Variants in MYO3B observed in about 807,000 individuals in gnomAD.
The protein encoded by MYO3B is myosin IIIB, also known as myosin-IIIb.
MYO3B carries 156 observed loss-of-function variants against 174.6 expected under a neutral mutation model. The observed-to-expected ratio is 0.89, with a 90% confidence interval of 0.78 to 1.02. MYO3B has a LOEUF of 1.02. MYO3B is among the 50% of genes least tolerant of loss of function. The pLI, the probability that MYO3B is intolerant of heterozygous loss-of-function variation, is 0.00. For missense variants in MYO3B, 1,632 were observed against 1,639.4 expected (o/e 1.00, Z 0.08); for synonymous variants, 563 against 569.1 (o/e 0.99, Z 0.15).
intron 8 of MYO3B, among the ~76,000 whole-genome samples, chr2:170,361,870 G>A (rs2094164028): frequency 6.6e-6 from 1 of 152,104 alleles, no homozygotes; most frequent in South Asian, 2.1e-4. Flanking sequence ...AGACAAGCAG[G>A]GCTTGAGGAT....
chr2:170,357,351 A>ATT (rs34296961), intron 8 of MYO3B, among the ~76,000 whole-genome samples: 12 of 146,358 alleles, frequency 8.2e-5, no homozygotes, highest in South Asian at 4.2e-4. Context: ...ATATATATAT[A>ATT]TTTTATATAT....
intron 7 of MYO3B, among the ~76,000 whole-genome samples, chr2:170,305,217 G>A: frequency 6.6e-6 from 1 of 152,008 alleles, no homozygotes; most frequent in East Asian, 1.9e-4. Flanking sequence ...CACGGTGTAG[G>A]ATAGTTCATC....
chr2:170,407,789 A>G lies in MYO3B; in HGVS notation c.2595A>G (p.Arg865=). The part of the protein sequence containing the change: ...TLPADVVVVL[R]TSENKLLQQL... ...CTGCCGATGTGGTTGTGGTCCTGAGAACGTCAGAAAACAAGCTTCTTCAGC... is the reference window on the plus strand; with the variant it reads ...CTGCCGATGTGGTTGTGGTCCTGAGGACGTCAGAAAACAAGCTTCTTCAGC... The change falls in exon 22 of 35, where the codon AGA becomes AGG. Residue 865 remains arginine, a synonymous_variant. Transcript: ENST00000408978. 1 of 1,614,140 alleles carries G rather than the reference A, an allele frequency of 6.2e-7. No homozygotes were observed. The highest frequency in any genetic ancestry group is 8.5e-7 in the Non-Finnish European group (1 of 1,179,972).
chr2:170,476,554 AGACTCCTCTCCAACT>A (rs1308038007), intron 25 of MYO3B, among the ~76,000 whole-genome samples: 3 of 152,100 alleles, frequency 2.0e-5, no homozygotes, highest in Non-Finnish European at 2.9e-5. Flanking sequence ...TCCAGTGGCC[AGACTCCTCTCCAACT>A]GCCCCTAGCA....
intron 32 of MYO3B, among the ~76,000 whole-genome samples, chr2:170,546,068 C>G (rs1221313799): frequency 6.6e-6 from 1 of 152,178 alleles, no homozygotes; most frequent in Admixed American, 6.5e-5. Context: ...TCCGAACATG[C>G]CTGGTGTGTT....
intron 23 of MYO3B, among the ~76,000 whole-genome samples, chr2:170,445,473 C>A (rs1216916796): frequency 1.3e-5 from 2 of 152,060 alleles, no homozygotes; most frequent in African/African-American, 4.8e-5. Context: ...TCCTGAGTAG[C>A]TGGGATTACA....
intron 25 of MYO3B, among the ~76,000 whole-genome samples, chr2:170,480,409 C>T (rs1005274278): frequency 1.3e-5 from 2 of 152,178 alleles, no homozygotes; most frequent in African/African-American, 2.4e-5. Flanking sequence ...CCAAGCAAGG[C>T]ATGGAAGCTC....
intron 25 of MYO3B, among the ~76,000 whole-genome samples, chr2:170,488,568 G>C (rs1029473285): frequency 6.6e-6 from 1 of 152,142 alleles, no homozygotes; most frequent in African/African-American, 2.4e-5. Context: ...ACGTTATGAG[G>C]GAACTAGGCA....
intron 22 of MYO3B, among the ~76,000 whole-genome samples, chr2:170,441,002 A>C (rs1165923042): frequency 6.6e-6 from 1 of 151,778 alleles, no homozygotes; most frequent in Non-Finnish European, 1.5e-5. Context: ...GGGTTTCACC[A>C]TGTTGGCCTG....
Position 170,617,578 on chromosome 2 carries a change from C to A in MYO3B, c.3734-34050C>A, listed in dbSNP as rs544135374. On this transcript the variant is annotated intron_variant, in intron 32 of 34. Coordinates refer to ENST00000408978, the MANE Select transcript of MYO3B (RefSeq NM_138995.5). Reference sequence around the variant, plus strand: ...CTCCAGCCCAAACTCTCATACCAGTCATAGCTATTGTTAATCTCCATAATT... The same window carrying A: ...CTCCAGCCCAAACTCTCATACCAGTAATAGCTATTGTTAATCTCCATAATT... Among the ~76,000 whole-genome samples, 136 of 152,292 alleles carry A rather than the reference C, an allele frequency of 8.9e-4. 1 individual carries two copies. Among genetic ancestry groups the A allele is most frequent in the African/African-American group, 3.1e-3 (128 of 41,554 alleles).
rs1346299300 is a variant in MYO3B at position 170,499,658 on chromosome 2, T to A, written c.3139T>A (p.Tyr1047Asn). 1 of 1,614,096 alleles carries A rather than the reference T, an allele frequency of 6.2e-7. No individual in the cohort carries two copies. The highest frequency in any genetic ancestry group is 1.7e-5 in the Admixed American group (1 of 60,028). Residue 1047 changes from tyrosine to asparagine, a missense_variant, in exon 27 of 35, where the codon TAT (tyrosine) becomes AAT (asparagine). Physicochemically the swap from Tyr to Asn is moderately radical, Grantham distance 143. Coordinates refer to ENST00000408978, the MANE Select transcript of MYO3B (RefSeq NM_138995.5). ...VLGKTKVFLK[Y>N]YHVEQLNLLL... ...TGTCTCGTTTCAGGTTTTTCTCAAA[T>A]ATTACCATGTTGAGCAATTAAATTT...
At chr2:170,598,593 G>A (rs143540178) in intron 32 of MYO3B, among the ~76,000 whole-genome samples, 10 of 152,252 alleles carry the variant, frequency 6.6e-5, no homozygotes, top group Non-Finnish European at 1.3e-4. Context: ...ACCATGCTAT[G>A]GCTACAGGCC....
chr2:170,231,247 C>A (rs1184721143), intron 6 of MYO3B, among the ~76,000 whole-genome samples: 2 of 152,116 alleles, frequency 1.3e-5, no homozygotes, highest in African/African-American at 4.8e-5. Context: ...AACTCCTTAG[C>A]CTGAAGAAGG....
At chr2:170,262,773 T>C (rs778447719) in intron 7 of MYO3B, among the ~76,000 whole-genome samples, 5 of 152,208 alleles carry the variant, frequency 3.3e-5, no homozygotes, top group Non-Finnish European at 5.9e-5. Context: ...TAGCATCATC[T>C]TTGCTCACTC....
chr2:170,453,447 C>G (rs1683719566), intron 23 of MYO3B, among the ~76,000 whole-genome samples: 1 of 124,984 alleles, frequency 8.0e-6, no homozygotes, highest in African/African-American at 2.9e-5. Context: ...CACACACACA[C>G]ACACACGAGA....
At chr2:170,516,968 A>C (rs1047891330) in intron 29 of MYO3B, among the ~76,000 whole-genome samples, 1 of 151,644 alleles carries the variant, frequency 6.6e-6, no homozygotes, top group Non-Finnish European at 1.5e-5. Context: ...TTTTTCCTTC[A>C]TATCTCCATT....
chr2:170,608,717 G>A (rs1421521077), intron 32 of MYO3B, among the ~76,000 whole-genome samples: 2 of 152,134 alleles, frequency 1.3e-5, no homozygotes, highest in African/African-American at 2.4e-5. Flanking sequence ...GTATGTGTGT[G>A]TGTGTTTCAG....
intron 32 of MYO3B, among the ~76,000 whole-genome samples, chr2:170,646,453 G>A (rs1332291761): frequency 6.6e-6 from 1 of 151,688 alleles, no homozygotes; most frequent in Non-Finnish European, 1.5e-5. Flanking sequence ...GGAGTACAGA[G>A]GCGCGATCTC....
At chr2:170,400,653 C>CCT (rs2094469456) in intron 17 of MYO3B, among the ~76,000 whole-genome samples, 1 of 140,634 alleles carries the variant, frequency 7.1e-6, no homozygotes, top group Admixed American at 7.0e-5. Flanking sequence ...TCCACCCCCC[C>CCT]CCCCTCGGCC....
Sources: allele counts gnomAD v4.1 joint callset (sites outside exome capture counted in the v4.1 genomes callset), GRCh38; gene constraint gnomAD v4.1.1; transcripts MANE v1.5; gene names NCBI Gene and HGNC (gene_info 2026-07-23, HGNC 2026-07-21).